MARCHF7: variants seen among roughly 807,000 people sequenced by gnomAD.
MARCHF7 encodes the protein membrane associated ring-CH-type finger 7, also known as E3 ubiquitin-protein ligase MARCHF7.
In MARCHF7, 20 loss-of-function variants were observed where a neutral mutation model predicts 76.5. That is an observed-to-expected ratio of 0.26 (90% CI 0.18 to 0.38). The LOEUF is 0.38. Among genes scored for constraint, MARCHF7 ranks in the 10% least tolerant of loss-of-function variants. The pLI is 1.00. For missense variants in MARCHF7, 797 were observed against 812.9 expected, an observed-to-expected ratio of 0.98 and a Z score of 0.24; for synonymous variants, 295 against 293.0, an observed-to-expected ratio of 1.01 and a Z score of -0.07.
At chr2:159,728,253 A>G (rs1446340518) in intron 3 of MARCHF7, among the ~76,000 whole-genome samples, 1 of 152,206 alleles carries the variant, frequency 6.6e-6, no homozygotes. Flanking sequence ...GAAGGTCTTT[A>G]CTGTCAGACC....
chr2:159,753,030 T>C (rs1301236913), intron 8 of MARCHF7, among the ~76,000 whole-genome samples: 2 of 152,194 alleles, frequency 1.3e-5, no homozygotes, highest in Non-Finnish European at 2.9e-5. Flanking sequence ...ATGTTGGTTA[T>C]AGGATGGTAA....
Position 159,743,063 on chromosome 2 carries a change from TACATCA to T in MARCHF7, c.157_162del (p.Thr53_Ser54del). 3 of 1,612,742 alleles carry T rather than the reference TACATCA, an allele frequency of 1.9e-6. No individual in the cohort carries two copies. The highest frequency in any genetic ancestry group is 1.1e-5 in the South Asian group (1 of 90,872). On this transcript the variant is annotated inframe_deletion, in exon 5 of 12. Transcript: ENST00000409175. ...AAAAAATTTTTTTGAACTCACAGTC[TACATCA>T]GCATCAGCATCTGCGTCACCATTTC... is the stretch of plus-strand genomic sequence containing the variant.
chr2:159,731,994 C>T (rs1702859399), intron 4 of MARCHF7, among the ~76,000 whole-genome samples: 1 of 151,814 alleles, frequency 6.6e-6, no homozygotes, highest in Non-Finnish European at 1.5e-5. Context: ...GTCCCAGCTA[C>T]TCGGGAGGCT....
At position 159,730,348 on chromosome 2, in the gene MARCHF7, GTATT is replaced by G. The variant is rs373707699; in HGVS notation, c.153+1177_153+1180del. Reference sequence around the variant, plus strand: ...TCCTTTGAAAATTTCTTTGTGTTAAGTATTTATATATTTATATGTTATGTGATCT... The same window carrying G: ...TCCTTTGAAAATTTCTTTGTGTTAAGTATATATTTATATGTTATGTGATCT... On this transcript the variant is annotated intron_variant, in intron 4 of 11. Coordinates refer to ENST00000409175, the MANE Select transcript of MARCHF7 (RefSeq NM_001282805.2). Among the ~76,000 whole-genome samples the G allele has an allele frequency of 1.1e-4, 17 of 152,242 alleles. No individual in the cohort carries two copies. In the South Asian group the frequency reaches 2.3e-3, roughly 20 times the overall value.
chr2:159,749,367 G>T (rs34392518), intron 7 of MARCHF7, among the ~76,000 whole-genome samples: 52,050 of 151,260 alleles, frequency 0.34, 9,090 homozygotes, highest in South Asian at 0.44. Context: ...TGTTGTTGTT[G>T]TTGAGATGGA....
intron 5 of MARCHF7, among the ~76,000 whole-genome samples, chr2:159,744,626 T>C (rs1022397964): frequency 2.0e-5 from 3 of 152,218 alleles, no homozygotes. Flanking sequence ...GCAGTTCCTG[T>C]CTATTTTGAT....
Position 159,729,109 on chromosome 2 carries a change from A to C in MARCHF7, c.87A>C (p.Arg29Ser), listed in dbSNP as rs777274404. 8.1e-6 allele frequency: 13 copies of C among 1,611,346 alleles called. No individual in the cohort carries two copies. The South Asian group carries it at 1.4e-4, about 18-fold the overall frequency. ...GTGCTAGGATGATGTCTGGAAGCAG[A>C]GGAAGTAGTTTAAATGATACCTATC... Reference protein sequence around the residue: ...SLSARMMSGSRGSSLNDTYHS... With the variant: ...SLSARMMSGSSGSSLNDTYHS... The change falls in exon 4 of 12, where the codon AGA (arginine) becomes AGC (serine). Residue 29 changes from arginine (R) to serine (S), a missense_variant. This residue lies in a region of MARCHF7 where 643 missense variants were observed against 631.5 expected (regional missense o/e 1.02). Coordinates refer to ENST00000409175, the MANE Select transcript of MARCHF7 (RefSeq NM_001282805.2).
At chr2:159,748,974 T>C (rs1705244355) in intron 7 of MARCHF7, 71 bp downstream of exon 7, 6 of 857,410 alleles carry the variant, frequency 7.0e-6, no homozygotes, top group South Asian at 6.5e-5. Flanking sequence ...CTTTTTTTTC[T>C]TTTCTTTTTT....
chr2:159,747,843 A>G lies in MARCHF7; in HGVS notation c.553A>G (p.Arg185Gly). The G allele has an allele frequency of 6.2e-7, 1 of 1,608,148 alleles. No homozygotes were observed. Among genetic ancestry groups the G allele is most frequent in the East Asian group, 2.2e-5 (1 of 44,848 alleles). The change falls in exon 7 of 12, where the codon AGA becomes GGA. Residue 185 changes from arginine (R) to glycine (G), a missense_variant. Arg to Gly is a moderately radical substitution (Grantham distance 125). This residue lies in a region of MARCHF7 where 643 missense variants were observed against 631.5 expected (regional missense o/e 1.02). Coordinates refer to ENST00000409175, the MANE Select transcript of MARCHF7 (RefSeq NM_001282805.2). ...AGTTCCTTCATATTCACAAGGAGCA[A>G]GACCAAAAGAAAACTCAATGAGCAC... is the stretch of plus-strand genomic sequence containing the variant. Reference protein sequence around the residue: ...DRVPSYSQGARPKENSMSTLQ... With the variant: ...DRVPSYSQGAGPKENSMSTLQ...
chr2:159,727,456 C>T (rs929587250), intron 3 of MARCHF7, among the ~76,000 whole-genome samples: 2 of 152,086 alleles, frequency 1.3e-5, no homozygotes, highest in Admixed American at 6.5e-5. Context: ...GGCGTGGTGG[C>T]GGGAGCCTGT....
chr2:159,742,137 A>G (rs943763840), intron 4 of MARCHF7, among the ~76,000 whole-genome samples: 4 of 152,192 alleles, frequency 2.6e-5, no homozygotes, highest in Admixed American at 6.5e-5. Flanking sequence ...CTTGTTTACA[A>G]GCTTTATTTT....
intron 3 of MARCHF7, among the ~76,000 whole-genome samples, chr2:159,728,122 G>T (rs1293053072): frequency 1.3e-5 from 2 of 152,142 alleles, no homozygotes; most frequent in African/African-American, 4.8e-5. Flanking sequence ...TTTATTAGCT[G>T]TGTGATCATG....
chr2:159,716,307 T>A (rs1701029713), intron 3 of MARCHF7, among the ~76,000 whole-genome samples: 1 of 151,482 alleles, frequency 6.6e-6, no homozygotes, highest in African/African-American at 2.4e-5. Context: ...TATATGTAAA[T>A]AATGAAATAG....
chr2:159,764,117 A>T (rs1452040382), intron 10 of MARCHF7, among the ~76,000 whole-genome samples: 7 of 152,058 alleles, frequency 4.6e-5, no homozygotes, highest in African/African-American at 1.7e-4. Flanking sequence ...ATTTTGGATG[A>T]TACTCCAAAG....
At chr2:159,746,022 A>T in intron 6 of MARCHF7, 85 bp downstream of exon 6, 2 of 1,039,576 alleles carry the variant, frequency 1.9e-6, no homozygotes, top group South Asian at 3.2e-5. Flanking sequence ...AGTACAAAGG[A>T]GTAAAGTGTA....
chr2:159,724,610 T>C (rs1701965177), intron 3 of MARCHF7, among the ~76,000 whole-genome samples: 1 of 152,238 alleles, frequency 6.6e-6, no homozygotes, highest in South Asian at 2.1e-4. Flanking sequence ...TTAACAAGTA[T>C]ATGGCATTTT....
At chr2:159,755,631 T>C (rs534246801) in intron 8 of MARCHF7, among the ~76,000 whole-genome samples, 76 of 151,988 alleles carry the variant, frequency 5.0e-4, no homozygotes, top group African/African-American at 1.8e-3. Context: ...AAAAGAAAGG[T>C]TGGTGGTTAG....
rs969981618 is a variant in MARCHF7, at chr2:159,761,197, A to G, written c.1894-1683A>G. Among the ~76,000 whole-genome samples the G allele has an allele frequency of 3.3e-5, 5 of 150,812 alleles. No individual in the cohort carries two copies. In the East Asian group the frequency reaches 9.8e-4, roughly 30 times the overall value. ...GCCTCCACACCAGGCTAATTTTTTG[A>G]ATTTTTAGTAGGGACGGGGCTTCAC... On this transcript the variant is annotated intron_variant, in intron 9 of 11. Coordinates refer to ENST00000409175, the MANE Select transcript of MARCHF7 (RefSeq NM_001282805.2).
intron 11 of MARCHF7, among the ~76,000 whole-genome samples, chr2:159,764,922 TTTA>T (rs1327946714): frequency 2.0e-5 from 3 of 151,212 alleles, no homozygotes; most frequent in African/African-American, 4.9e-5. Flanking sequence ...CAAAGAGAAA[TTTA>T]TTGTTGATCA....
Sources: allele counts gnomAD v4.1 joint callset (sites outside exome capture counted in the v4.1 genomes callset), GRCh38; gene constraint gnomAD v4.1.1; regional missense constraint gnomAD v4.1.1; transcripts MANE v1.5; gene names NCBI Gene and HGNC (gene_info 2026-07-23, HGNC 2026-07-21).